The following MIA3 variants were observed in gnomAD, a reference collection of about 807,000 sequenced individuals.
MIA3 encodes transport and Golgi organization protein 1 homolog.
Under a neutral mutation model 192.4 loss-of-function variants are expected in MIA3, and 90 were observed. The ratio of observed to expected loss-of-function variants is 0.47; its 90% confidence interval spans 0.39 to 0.56. MIA3 has a LOEUF of 0.56. MIA3 is among the 20% of genes least tolerant of loss of function. The pLI is 0.00. For missense variants in MIA3, 2,123 were observed against 2,269.4 expected (o/e 0.94, Z 1.31); for synonymous variants, 740 against 792.8 (o/e 0.93, Z 1.12).
intron 6 of MIA3, among the ~76,000 whole-genome samples, chr1:222,639,318 C>G (rs1337605134): frequency 6.6e-6 from 1 of 152,166 alleles, no homozygotes; most frequent in African/African-American, 2.4e-5. Flanking sequence ...GGAAGAAATA[C>G]TACAAATTCT....
At position 222,650,367 on chromosome 1, in the gene MIA3, A is replaced by T; in HGVS notation, c.3707A>T (p.Asn1236Ile). 1 of 1,558,346 alleles carries T rather than the reference A, an allele frequency of 6.4e-7. No individual in the cohort carries two copies. Among genetic ancestry groups the T allele is most frequent in the South Asian group, 1.1e-5 (1 of 88,550 alleles). ...ACAGAACTTGTACAAAAATTGTCAAATTATGAACAGAAGGTATGATTATTC... is the reference window on the plus strand; with the variant it reads ...ACAGAACTTGTACAAAAATTGTCAATTTATGAACAGAAGGTATGATTATTC... ...ENTELVQKLS[N>I]YEQKIKESKK... Residue 1236 changes from asparagine to isoleucine, a missense_variant, in exon 9 of 28, where the codon AAT (asparagine) becomes ATT (isoleucine). Around this residue, in one of 3 missense-constraint regions of MIA3, gnomAD observed 762 missense variants for 856.4 expected, o/e 0.89. Coordinates refer to ENST00000344922, the MANE Select transcript of MIA3 (RefSeq NM_198551.4).
rs778156239 is a variant in MIA3, at chr1:222,629,986, C to G, written c.2766C>G (p.Asp922Glu). ...CAGGGCATAGTGACAAGAGGGAGGA[C>G]TTACTTATCATAAGCAGCTTCTTTA... is the stretch of plus-strand genomic sequence containing the variant. ...VEPGHSDKRE[D>E]LLIISSFFKE... Residue 922 changes from aspartate to glutamate, a missense_variant, in exon 4 of 28, where the codon GAC becomes GAG. Coordinates refer to ENST00000344922, the MANE Select transcript of MIA3 (RefSeq NM_198551.4). 5 of 1,613,936 alleles carry G rather than the reference C, an allele frequency of 3.1e-6. No homozygotes were observed. In the South Asian group the frequency reaches 4.4e-5, roughly 14 times the overall value.
Position 222,629,802 on chromosome 1 carries a change from A to C in MIA3, c.2582A>C (p.His861Pro). ...DYLKNDNPEE[H>P]LKTSGLAGEP... ...CTGAAGAACGACAACCCTGAGGAAC[A>C]TCTGAAGACCTCAGGGCTTGCAGGG... The change falls in exon 4 of 28, where the codon CAT becomes CCT. Residue 861 changes from histidine (H) to proline (P), a missense_variant. Physicochemically the swap from His to Pro is moderately conservative, Grantham distance 77. Transcript: ENST00000344922. 1 of 1,614,124 alleles carries C rather than the reference A, an allele frequency of 6.2e-7. No homozygotes were observed. The highest frequency in any genetic ancestry group is 8.5e-7 in the Non-Finnish European group (1 of 1,179,970).
chr1:222,667,914 A>C lies in MIA3; in HGVS notation c.*2295A>C, dbSNP rs1664360077. ...TTTTCATTGGAAAGTAAATTTAAGT[A>C]ATTCGTGGGATGTGGTATATTCTGT... On this transcript the variant is annotated 3_prime_UTR_variant, in exon 28 of 28. Transcript: ENST00000344922. The C allele has an allele frequency of 1.3e-5, 2 of 152,318 alleles. No homozygotes were observed. Among genetic ancestry groups the C allele is most frequent in the South Asian group, 4.1e-4 (2 of 4,830 alleles). The allele number at this position is 152,318 out of a possible 1,614,324, so 9.4% of individuals were successfully genotyped here.
At chr1:222,644,279 G>T in intron 6 of MIA3, 1 of 1,394,842 alleles carries the variant, frequency 7.2e-7, no homozygotes. Context: ...GGTGCCTTGA[G>T]GTGCGCCAGG....
At chr1:222,633,015 C>G in intron 5 of MIA3, 89 bp from the exon 6 acceptor site, 1 of 1,301,092 alleles carries the variant, frequency 7.7e-7, no homozygotes, top group African/African-American at 1.5e-5. Flanking sequence ...AGGCACAGTG[C>G]CTAATATTTA....
chr1:222,645,860 G>A, intron 7 of MIA3, 175 bp downstream of exon 7: 1 of 556,106 alleles, frequency 1.8e-6, no homozygotes, highest in East Asian at 4.8e-5. Context: ...AAGTGAATAA[G>A]ACAACATGTA....
chr1:222,646,413 CAAAA>C (rs370502614), intron 7 of MIA3, among the ~76,000 whole-genome samples: 1 of 85,368 alleles, frequency 1.2e-5, no homozygotes, highest in Non-Finnish European at 2.4e-5. Flanking sequence ...GACTCCATCT[CAAAA>C]AAAAAAAAAA....
chr1:222,623,037 CTT>C (rs1373996241), intron 2 of MIA3, among the ~76,000 whole-genome samples: 5 of 152,178 alleles, frequency 3.3e-5, no homozygotes, highest in African/African-American at 4.8e-5. Flanking sequence ...GTGAAAGACT[CTT>C]TAATGGAAAG....
At chr1:222,665,213 A>AAAT in intron 27 of MIA3, 96 bp from the exon 28 acceptor site, 1 of 906,238 alleles carries the variant, frequency 1.1e-6, no homozygotes, top group African/African-American at 1.7e-5. Flanking sequence ...AAAAAAAAAA[A>AAAT]AAAAAAAAGG....
chr1:222,644,064 C>G (rs1294556522), intron 6 of MIA3, among the ~76,000 whole-genome samples: 1 of 152,236 alleles, frequency 6.6e-6, no homozygotes, highest in Non-Finnish European at 1.5e-5. Context: ...TTTTCCCCAG[C>G]TGCCGCCCAC....
rs373325334 is a variant in MIA3 at position 222,656,115 on chromosome 1, G to A, written c.4607+1322G>A. Among the ~76,000 whole-genome samples, 261 of 151,460 alleles carry A rather than the reference G, an allele frequency of 1.7e-3. 1 individual carries two copies. The highest frequency in any genetic ancestry group is 3.1e-3 in the Non-Finnish European group (207 of 67,850). On this transcript the variant is annotated intron_variant, in intron 18 of 27. Transcript: ENST00000344922. ...CTCCCGAGTAGCTGGGACTACAGGC[G>A]CCCGCCACCATGCCCGGCTAATTTT...
intron 7 of MIA3, among the ~76,000 whole-genome samples, 182 bp from the exon 8 acceptor site, chr1:222,648,647 A>T (rs1338724535): frequency 1.3e-5 from 2 of 152,196 alleles, no homozygotes; most frequent in African/African-American, 2.4e-5. Flanking sequence ...ACATATCACT[A>T]CTGGTTAAAT....
chr1:222,622,052 C>T (rs1337989810), intron 2 of MIA3, among the ~76,000 whole-genome samples: 1 of 152,172 alleles, frequency 6.6e-6, no homozygotes, highest in Non-Finnish European at 1.5e-5. Context: ...GATCCACCCA[C>T]CTTGACCTCC....
rs1160389322 is a variant in MIA3 at position 222,628,324 on chromosome 1, G to GC, written c.1109dup (p.Gly371TrpfsTer5). ...AAGAGGACAAGGTTCAGCTAACTGTGCCCCCTGGCATCAAAAATGATGATA... is the reference window on the plus strand; with the variant it reads ...AAGAGGACAAGGTTCAGCTAACTGTGCCCCCCTGGCATCAAAAATGATGATA... On this transcript the variant is annotated frameshift_variant, in exon 4 of 28. Coordinates refer to ENST00000344922, the MANE Select transcript of MIA3 (RefSeq NM_198551.4). LOFTEE classifies it high-confidence loss of function. 1 of 1,613,544 alleles carries GC rather than the reference G, an allele frequency of 6.2e-7. No homozygotes were observed. The highest frequency in any genetic ancestry group is 8.5e-7 in the Non-Finnish European group (1 of 1,179,898).
intron 11 of MIA3, among the ~76,000 whole-genome samples, chr1:222,651,376 C>CTT (rs1282954213): frequency 1.4e-5 from 2 of 144,550 alleles, no homozygotes; most frequent in African/African-American, 5.0e-5. Context: ...TGTAAAATTA[C>CTT]TTTTTTTTTT....
At chr1:222,645,903 C>T in intron 7 of MIA3, 1 of 400,702 alleles carries the variant, frequency 2.5e-6, no homozygotes, top group Non-Finnish European at 4.4e-6. Flanking sequence ...GTTTATATGT[C>T]TCATATCAAA....
At position 222,629,759 on chromosome 1, in the gene MIA3, A is replaced by G. The variant is rs367827734; in HGVS notation, c.2539A>G (p.Asn847Asp). 4 of 1,614,226 alleles carry G rather than the reference A, an allele frequency of 2.5e-6. No homozygotes were observed. The highest frequency in any genetic ancestry group is 3.4e-6 in the Non-Finnish European group (4 of 1,180,042). Reference protein sequence around the residue: ...QTPELGEVFQNKDSDYLKNDN... With the variant: ...QTPELGEVFQDKDSDYLKNDN... The stretch of plus-strand genomic sequence containing the variant: ...TCCAGAATTAGGTGAAGTGTTTCAG[A>G]ATAAAGATTCTGATTATCTGAAGAA... Residue 847 changes from asparagine to aspartate, a missense_variant, in exon 4 of 28, where the codon AAT becomes GAT. By Grantham distance (23) the Asn-to-Asp change is conservative. This residue lies in a region of MIA3 where 1,357 missense variants were observed against 1,396.1 expected (regional missense o/e 0.97). Transcript: ENST00000344922.
At chr1:222,623,270 G>A (rs1661958360) in intron 2 of MIA3, among the ~76,000 whole-genome samples, 1 of 144,160 alleles carries the variant, frequency 6.9e-6, no homozygotes. Flanking sequence ...GTGAGCCTAT[G>A]TTTTTTTTTT....
Sources: allele counts gnomAD v4.1 joint callset (sites outside exome capture counted in the v4.1 genomes callset), GRCh38; gene constraint gnomAD v4.1.1; regional missense constraint gnomAD v4.1.1; transcripts MANE v1.5; gene names NCBI Gene and HGNC (gene_info 2026-07-23, HGNC 2026-07-21).